Variants in TXNDC8 observed in about 807,000 individuals in gnomAD.
TXNDC8 encodes thioredoxin domain-containing protein 8.
A neutral mutation model predicts 12.9 loss-of-function variants in TXNDC8; 15 were observed. That is an observed-to-expected ratio of 1.16 (90% CI 0.78 to 1.79). The LOEUF (loss-of-function observed/expected upper bound fraction) is 1.79. Among genes scored for constraint, TXNDC8 ranks in the 40% most tolerant of loss-of-function variants. TXNDC8 has a pLI of 0.00. For missense variants in TXNDC8, 128 were observed against 113.2 expected, an observed-to-expected ratio of 1.13 and a Z score of -0.59; for synonymous variants, 40 against 35.4, an observed-to-expected ratio of 1.13 and a Z score of -0.46.
chr9:110,329,041 C>CT (rs372344288), intron 2 of TXNDC8, among the ~76,000 whole-genome samples, 191 bp downstream of exon 3: 8,776 of 151,446 alleles, frequency 0.058, 300 homozygotes, highest in African/African-American at 0.081. Context: ...TCTTGCTAAT[C>CT]TTTTTTTTTG....
intron 3 of TXNDC8, chr9:110,322,776 G>C: frequency 1.0e-6 from 1 of 985,580 alleles, no homozygotes; most frequent in Non-Finnish European, 1.2e-6. Flanking sequence ...AGGAGAGGCT[G>C]AGCTGGCAGT....
intron 3 of TXNDC8, among the ~76,000 whole-genome samples, chr9:110,321,562 A>C (rs1839093303): frequency 6.6e-6 from 1 of 152,210 alleles, no homozygotes; most frequent in South Asian, 2.1e-4. Context: ...TAAAGGACAC[A>C]CAGTACTTAA....
intron 3 of TXNDC8, among the ~76,000 whole-genome samples, chr9:110,308,268 A>T (rs1009716773): frequency 6.6e-6 from 1 of 152,216 alleles, no homozygotes; most frequent in Non-Finnish European, 1.5e-5. Flanking sequence ...TGCTTTCATG[A>T]TGATGGAAGG....
Position 110,337,789 on chromosome 9 carries a change from T to C in TXNDC8, c.8A>G (p.Gln3Arg). 6.2e-7 allele frequency: 1 copy of C among 1,613,984 alleles called. No homozygotes were observed. The highest frequency in any genetic ancestry group is 8.5e-7 in the Non-Finnish European group (1 of 1,179,892). Residue 3 changes from glutamine (Q) to arginine (R), a missense_variant, in exon 1 of 5, where the codon CAG (glutamine) becomes CGG (arginine). By Grantham distance (43) the Gln-to-Arg change is conservative (BLOSUM62 1). Transcript: ENST00000423740. Reference sequence around the variant, plus strand: ...AATACTTGCCGTGTCTTTAATAATCTGTACCATGATTACACCAGGGAAGTG... The same window carrying C: ...AATACTTGCCGTGTCTTTAATAATCCGTACCATGATTACACCAGGGAAGTG...
At chr9:110,318,009 C>G (rs1444155772) in intron 3 of TXNDC8, among the ~76,000 whole-genome samples, 1 of 152,146 alleles carries the variant, frequency 6.6e-6, no homozygotes, top group East Asian at 1.9e-4. Context: ...ATGATATGCC[C>G]CTGGTTTTAT....
chr9:110,319,482 G>A (rs548063916), intron 3 of TXNDC8, among the ~76,000 whole-genome samples: 1 of 152,328 alleles, frequency 6.6e-6, no homozygotes, highest in East Asian at 1.9e-4. Context: ...TCTGACAGTT[G>A]TTTAAACATA....
chr9:110,329,955 C>T (rs1839487590), intron 2 of TXNDC8, among the ~76,000 whole-genome samples: 1 of 152,144 alleles, frequency 6.6e-6, no homozygotes, highest in African/African-American at 2.4e-5. Context: ...CTCCCTCCTA[C>T]TTCTGTTTTG....
intron 4 of TXNDC8, 119 bp downstream of exon 5, chr9:110,304,348 C>T: frequency 2.3e-6 from 2 of 868,750 alleles, no homozygotes; most frequent in Non-Finnish European, 3.5e-6. Context: ...AGAAACCATC[C>T]CCACACCAAA....
intron 3 of TXNDC8, chr9:110,322,937 G>A: frequency 6.1e-6 from 6 of 985,396 alleles, no homozygotes; most frequent in Non-Finnish European, 7.2e-6. Context: ...GCTTGGACTA[G>A]TATGAGAAAA....
chr9:110,334,379 T>C, intron 1 of TXNDC8, 59 bp from the exon 2 acceptor site: 1 of 1,458,034 alleles, frequency 6.9e-7, no homozygotes. Flanking sequence ...TGACATTTTG[T>C]AGAGAAGAAG....
chr9:110,329,291 C>G lies in TXNDC8; in HGVS notation c.130-3051G>C, dbSNP rs1419518335. On this transcript the variant is annotated intron_variant, in intron 2 of 4. Coordinates refer to ENST00000423740, the MANE Select transcript of TXNDC8 (RefSeq NM_001286946.2). ...ACATTTTGGTATTTCACAGACATAG[C>G]CTTCAAAATAAAAAATAAATATTTC... 1.7e-5 allele frequency: 28 copies of G among 1,603,224 alleles called. No homozygotes were observed. The Admixed American group carries it at 2.5e-4, about 14-fold the overall frequency.
At chr9:110,310,329 A>G (rs1414088527) in intron 3 of TXNDC8, among the ~76,000 whole-genome samples, 1 of 152,154 alleles carries the variant, frequency 6.6e-6, no homozygotes, top group African/African-American at 2.4e-5. Context: ...TTTTCTCTCC[A>G]TACTTGATTA....
At chr9:110,317,284 G>T (rs1265423056) in intron 3 of TXNDC8, among the ~76,000 whole-genome samples, 1 of 152,160 alleles carries the variant, frequency 6.6e-6, no homozygotes, top group Admixed American at 6.5e-5. Flanking sequence ...TCATATACTT[G>T]TTCTCATGTT....
chr9:110,322,925 G>A, intron 3 of TXNDC8: 2 of 985,306 alleles, frequency 2.0e-6, no homozygotes, highest in Non-Finnish European at 2.4e-6. Flanking sequence ...CCTCCTTCAG[G>A]TGCTTGGACT....
intron 3 of TXNDC8, among the ~76,000 whole-genome samples, chr9:110,307,177 C>T (rs1355997667): frequency 6.6e-6 from 1 of 150,754 alleles, no homozygotes; most frequent in Non-Finnish European, 1.5e-5. Context: ...TGGTCTCAAA[C>T]TCCTGGCCTC....
At chr9:110,303,255 T>G (rs1301471648), downstream of TXNDC8, among the ~76,000 whole-genome samples, 1 of 152,172 alleles carries the variant, frequency 6.6e-6, no homozygotes, top group Non-Finnish European at 1.5e-5. Context: ...GTGCAGGACC[T>G]CTCTTGTGAA....
At chr9:110,312,956 G>A (rs1211861030) in intron 3 of TXNDC8, among the ~76,000 whole-genome samples, 4 of 152,134 alleles carry the variant, frequency 2.6e-5, no homozygotes, top group African/African-American at 9.7e-5. Context: ...GGAGTTCAGT[G>A]GCATGATCTT....
intron 3 of TXNDC8, among the ~76,000 whole-genome samples, chr9:110,312,106 G>T (rs1838711977): frequency 6.6e-6 from 1 of 151,716 alleles, no homozygotes; most frequent in African/African-American, 2.4e-5. Flanking sequence ...TTAAAATGTT[G>T]CTGATCCTTT....
At chr9:110,326,881 A>G (rs948976737) in intron 2 of TXNDC8, among the ~76,000 whole-genome samples, 1 of 151,102 alleles carries the variant, frequency 6.6e-6, no homozygotes, top group Non-Finnish European at 1.5e-5. Context: ...AGAACAGGAC[A>G]TCTCTCTCTA....
Sources: allele counts gnomAD v4.1 joint callset (sites outside exome capture counted in the v4.1 genomes callset), GRCh38; gene constraint gnomAD v4.1.1; transcripts MANE v1.5; gene names NCBI Gene and HGNC (gene_info 2026-07-23, HGNC 2026-07-21).